ATP13A4: variants seen among roughly 807,000 people sequenced by gnomAD.
The protein encoded by ATP13A4 is ATPase 13A4, also known as probable cation-transporting ATPase 13A4.
ATP13A4 carries 114 observed loss-of-function variants against 142.5 expected under a neutral mutation model. The observed-to-expected ratio is 0.80, with a 90% CI of 0.69 to 0.93. The LOEUF is 0.93. ATP13A4 is among the 40% of genes least tolerant of loss of function. The pLI is 0.00. For missense variants in ATP13A4, 1,392 were observed against 1,454.0 expected (o/e 0.96, Z 0.69); for synonymous variants, 488 against 514.8 (o/e 0.95, Z 0.70).
intron 8 of ATP13A4, among the ~76,000 whole-genome samples, chr3:193,481,765 A>G (rs1719310672): frequency 6.6e-6 from 1 of 152,202 alleles, no homozygotes; most frequent in Non-Finnish European, 1.5e-5. Flanking sequence ...CTCATAAAAC[A>G]TTGGCATCTT....
chr3:193,407,609 G>A (rs117748515), intron 28 of ATP13A4, among the ~76,000 whole-genome samples: 1 of 152,016 alleles, frequency 6.6e-6, no homozygotes, highest in Non-Finnish European at 1.5e-5. Flanking sequence ...TGATTTGGGG[G>A]GGTTATGAGT....
intron 1 of ATP13A4, among the ~76,000 whole-genome samples, chr3:193,537,153 C>G (rs1722630693): frequency 6.6e-6 from 1 of 152,054 alleles, no homozygotes. Flanking sequence ...AGCTAAGACA[C>G]TTTTGAAAAA....
intron 8 of ATP13A4, among the ~76,000 whole-genome samples, chr3:193,479,263 G>C (rs1225458858): frequency 6.6e-6 from 1 of 152,012 alleles, no homozygotes; most frequent in Non-Finnish European, 1.5e-5. Flanking sequence ...GGAAGTTCTA[G>C]CCAGGACAAT....
intron 1 of ATP13A4, among the ~76,000 whole-genome samples, chr3:193,591,564 T>C (rs1724785572): frequency 6.6e-6 from 1 of 152,240 alleles, no homozygotes; most frequent in South Asian, 2.1e-4. Flanking sequence ...CTAGTTCCTA[T>C]ACATGGACAT....
At chr3:193,445,705 C>T (rs775503272) in intron 18 of ATP13A4, among the ~76,000 whole-genome samples, 3 of 151,942 alleles carry the variant, frequency 2.0e-5, no homozygotes, top group Admixed American at 6.6e-5. Flanking sequence ...TGCACTGAGC[C>T]GAGATCAGGT....
chr3:193,478,152 A>G (rs1719076308), intron 8 of ATP13A4, among the ~76,000 whole-genome samples: 1 of 152,030 alleles, frequency 6.6e-6, no homozygotes, highest in African/African-American at 2.4e-5. Flanking sequence ...CAACTTTTTT[A>G]TGCCTACATC....
At chr3:193,574,317 T>A (rs991563685) in intron 2 of ATP13A4, among the ~76,000 whole-genome samples, 1 of 152,250 alleles carries the variant, frequency 6.6e-6, no homozygotes, top group African/African-American at 2.4e-5. Context: ...CAGTTCCTGG[T>A]ACTTGATCTT....
At chr3:193,411,802 T>C (rs1029207483) in intron 27 of ATP13A4, among the ~76,000 whole-genome samples, 5 of 152,188 alleles carry the variant, frequency 3.3e-5, no homozygotes, top group Admixed American at 1.3e-4. Context: ...GACTATTGCC[T>C]TCATGGCAAG....
At chr3:193,589,047 G>T (rs535790842) in intron 1 of ATP13A4, among the ~76,000 whole-genome samples, 1 of 152,140 alleles carries the variant, frequency 6.6e-6, no homozygotes, top group Non-Finnish European at 1.5e-5. Context: ...GACTGAGGCA[G>T]GAGAATCACT....
At chr3:193,519,938 C>A (rs1721629837) in intron 1 of ATP13A4, among the ~76,000 whole-genome samples, 1 of 152,104 alleles carries the variant, frequency 6.6e-6, no homozygotes, top group South Asian at 2.1e-4. Flanking sequence ...AACCACCGCA[C>A]CTGGCCTGCA....
chr3:193,450,443 A>G (rs1005653289), intron 17 of ATP13A4, among the ~76,000 whole-genome samples: 1 of 152,240 alleles, frequency 6.6e-6, no homozygotes, highest in Non-Finnish European at 1.5e-5. Context: ...ACTGAGAAAA[A>G]GTGGCAGAGA....
Position 193,459,153 on chromosome 3 carries a change from G to A in ATP13A4, c.1602C>T (p.His534=). 1.2e-6 allele frequency: 2 copies of A among 1,614,242 alleles called. No homozygotes were observed. Among genetic ancestry groups the A allele is most frequent in the South Asian group, 1.1e-5 (1 of 91,088 alleles). ...GPLCAAMASC[H]SLILLDGTIQ... ...TGGTCCCATCAAGAAGGATCAGAGA[G>A]TGGCAGCTGGCCATCGCTGCACACA... is the stretch of plus-strand genomic sequence containing the variant. The change falls in exon 14 of 30, where the codon CAC becomes CAT. Residue 534 remains histidine (H), a synonymous_variant. Coordinates refer to ENST00000342695, the MANE Select transcript of ATP13A4 (RefSeq NM_032279.4).
At chr3:193,485,458 A>G (rs900880940) in intron 7 of ATP13A4, among the ~76,000 whole-genome samples, 20 of 152,188 alleles carry the variant, frequency 1.3e-4, no homozygotes, top group African/African-American at 4.8e-4. Flanking sequence ...ATTGCCTTTT[A>G]GCATCTTATT....
chr3:193,504,005 G>C (rs1720709800), intron 2 of ATP13A4, among the ~76,000 whole-genome samples: 1 of 135,938 alleles, frequency 7.4e-6, no homozygotes, highest in Non-Finnish European at 1.6e-5. Flanking sequence ...ATGTGTGTGT[G>C]TGTGTGTGTG....
intron 23 of ATP13A4, among the ~76,000 whole-genome samples, chr3:193,437,644 G>A (rs577420477): frequency 2.0e-5 from 3 of 152,162 alleles, no homozygotes; most frequent in South Asian, 2.1e-4. Flanking sequence ...GTTTTGAAGT[G>A]TGAGATAGTA....
At chr3:193,420,458 G>A (rs1307454009) in intron 25 of ATP13A4, among the ~76,000 whole-genome samples, 2 of 149,858 alleles carry the variant, frequency 1.3e-5, no homozygotes, top group African/African-American at 2.5e-5. Flanking sequence ...AAGGAAATAC[G>A]AAAGAGCGAG....
chr3:193,421,386 A>G (rs1389453495), intron 25 of ATP13A4, among the ~76,000 whole-genome samples: 2 of 149,768 alleles, frequency 1.3e-5, no homozygotes, highest in Non-Finnish European at 3.0e-5. Context: ...ATTCATCACC[A>G]CTAGATTTTC....
chr3:193,415,488 G>A (rs1353574682), intron 25 of ATP13A4, among the ~76,000 whole-genome samples: 3 of 152,182 alleles, frequency 2.0e-5, no homozygotes, highest in Non-Finnish European at 4.4e-5. Context: ...ACTTGCACTT[G>A]ATCCACCCCC....
chr3:193,507,613 T>C (rs1382802771), intron 2 of ATP13A4, among the ~76,000 whole-genome samples: 2 of 152,220 alleles, frequency 1.3e-5, no homozygotes, highest in Admixed American at 1.3e-4. Context: ...CAAGGAAATC[T>C]AGCAAACTCA....
Sources: gnomAD v4.1 joint callset for allele counts (sites outside exome capture counted in the v4.1 genomes callset) on GRCh38, gnomAD v4.1.1 for gene constraint, MANE v1.5 for transcripts, NCBI Gene and HGNC (gene_info 2026-07-23, HGNC 2026-07-21) for gene names.